ADAM22: variants seen among roughly 807,000 people sequenced by gnomAD.
The protein encoded by ADAM22 is disintegrin and metalloproteinase domain-containing protein 22.
In ADAM22, 65 loss-of-function variants were observed where a neutral mutation model predicts 144.6. That is an observed-to-expected ratio of 0.45 (90% confidence interval 0.37 to 0.55). The LOEUF (loss-of-function observed/expected upper bound fraction) is 0.55. Among genes scored for constraint, ADAM22 ranks in the 20% least tolerant of loss-of-function variants. ADAM22 has a pLI of 0.00. For synonymous variants in ADAM22, 391 were observed against 412.6 expected (o/e 0.95, Z 0.63); for missense variants, 974 against 1,184.9 (o/e 0.82, Z 2.61).
chr7:88,090,663 C>T (rs1819618486), intron 4 of ADAM22, among the ~76,000 whole-genome samples: 1 of 152,036 alleles, frequency 6.6e-6, no homozygotes, highest in South Asian at 2.1e-4. Flanking sequence ...TTTAAAACCT[C>T]AGGATATAAA....
chr7:88,041,076 G>A (rs757619348), intron 3 of ADAM22, among the ~76,000 whole-genome samples: 29 of 151,898 alleles, frequency 1.9e-4, no homozygotes, highest in Admixed American at 4.6e-4. Flanking sequence ...ATTAAATTAG[G>A]CCACTCAAAG....
rs773312797 is a variant in ADAM22 at position 87,945,516 on chromosome 7, C to CTTT, written c.246+10343_246+10345dup. 1.3e-3 allele frequency among the ~76,000 whole-genome samples: 176 copies of CTTT among 140,792 alleles called. 3 individuals carry two copies. The South Asian group carries it at 0.013, about 11-fold the overall frequency. The allele number at this position is 140,792 out of a possible 152,430, so 92.4% of individuals were successfully genotyped here. A position where few individuals can be genotyped will look rare whatever the true frequency, so the allele number is the denominator to read the frequency against. On this transcript the variant is annotated intron_variant, in intron 2 of 31. Coordinates refer to ENST00000413139, the MANE Select transcript of ADAM22 (RefSeq NM_001324418.2). Reference sequence around the variant, plus strand: ...GCCAATTATTTCTTTTCTTTTCTTTCTTTTTTTTTTTTTTTGAGATGGAGT... The same window carrying CTTT: ...GCCAATTATTTCTTTTCTTTTCTTTCTTTTTTTTTTTTTTTTTTGAGATGGAGT...
chr7:87,953,554 A>T (rs1845795495), intron 2 of ADAM22, among the ~76,000 whole-genome samples: 1 of 152,146 alleles, frequency 6.6e-6, no homozygotes, highest in African/African-American at 2.4e-5. Context: ...GGAGAGCTTT[A>T]CTTCCAACTA....
intron 30 of ADAM22, among the ~76,000 whole-genome samples, chr7:88,191,373 A>G (rs1451182575): frequency 6.6e-6 from 1 of 152,250 alleles, no homozygotes; most frequent in Non-Finnish European, 1.5e-5. Context: ...GCAGATTAAA[A>G]AGATGCCTTG....
chr7:88,008,804 A>T (rs529677972), intron 3 of ADAM22, among the ~76,000 whole-genome samples: 225 of 152,150 alleles, frequency 1.5e-3, no homozygotes, highest in African/African-American at 4.7e-3. Context: ...CTAAATGACG[A>T]GTTAATGGGT....
chr7:87,944,858 C>G (rs1241378089), intron 2 of ADAM22, among the ~76,000 whole-genome samples: 1 of 116,644 alleles, frequency 8.6e-6, no homozygotes, highest in Non-Finnish European at 1.7e-5. Context: ...CAGTCTTGTT[C>G]TCATCCACAC....
intron 6 of ADAM22, 78 bp from the exon 7 acceptor site, chr7:88,116,667 G>T (rs1174884329): frequency 8.3e-7 from 1 of 1,198,286 alleles, no homozygotes; most frequent in Non-Finnish European, 1.2e-6. Context: ...TTCTTTTAAG[G>T]GTCTCCAGCT....
At chr7:88,168,348 G>A (rs1843408250) in intron 25 of ADAM22, 121 bp downstream of exon 25, 1 of 985,406 alleles carries the variant, frequency 1.0e-6, no homozygotes, top group East Asian at 2.5e-5. Flanking sequence ...AAATCAGCTT[G>A]GCTCAGCAGC....
intron 3 of ADAM22, among the ~76,000 whole-genome samples, chr7:88,021,112 CA>C (rs573515212): frequency 6.6e-6 from 1 of 152,196 alleles, no homozygotes; most frequent in Non-Finnish European, 1.5e-5. Flanking sequence ...CCAGTCTTAC[CA>C]GAAACCAGAA....
intron 5 of ADAM22, 22 bp downstream of exon 5, chr7:88,108,280 T>C (rs1824987382): frequency 6.3e-7 from 1 of 1,594,828 alleles, no homozygotes; most frequent in African/African-American, 1.3e-5. Flanking sequence ...AAAAGTTATT[T>C]TTACTGTTTG....
In ADAM22 at chr7:88,197,770, AGATGAC is replaced by A. The variant is rs1252391994; in HGVS notation, c.*1281_*1286del. On this transcript the variant is annotated 3_prime_UTR_variant, in exon 32 of 32. Coordinates refer to ENST00000413139, the MANE Select transcript of ADAM22 (RefSeq NM_001324418.2). ...GTCATTCTGCACTGACTCTGAAGCA[AGATGAC>A]GGAAGATTCTACTGTTTGAGTTGAG... The A allele has an allele frequency of 1.3e-5, 2 of 152,246 alleles. No individual in the cohort carries two copies. The highest frequency in any genetic ancestry group is 2.9e-5 in the Non-Finnish European group (2 of 68,054). 9.4% of individuals were successfully genotyped at this position (152,246 alleles called of 1,614,324 possible). A position where few individuals can be genotyped will look rare whatever the true frequency, so the allele number is the denominator to read the frequency against.
chr7:87,942,397 G>C (rs933472446), intron 2 of ADAM22, among the ~76,000 whole-genome samples: 1 of 152,086 alleles, frequency 6.6e-6, no homozygotes, highest in Non-Finnish European at 1.5e-5. Flanking sequence ...AAGCTGATAG[G>C]GGATTTGAAC....
At chr7:87,934,582 A>G (rs201363585) in intron 1 of ADAM22, 32 bp downstream of exon 1, 4 of 1,587,114 alleles carry the variant, frequency 2.5e-6, no homozygotes, top group East Asian at 4.5e-5. Flanking sequence ...CCTTTGGGCC[A>G]TACCATTTCC....
chr7:88,070,412 T>C (rs1436731627), intron 3 of ADAM22, among the ~76,000 whole-genome samples: 1 of 152,206 alleles, frequency 6.6e-6, no homozygotes, highest in African/African-American at 2.4e-5. Flanking sequence ...GTCTGAGTTA[T>C]AACAAAGCGT....
At chr7:87,935,297 T>TG (rs1840971457) in intron 2 of ADAM22, 111 bp downstream of exon 2, 3 of 1,240,382 alleles carry the variant, frequency 2.4e-6, no homozygotes, top group African/African-American at 1.5e-5. Context: ...TGAAATGAGT[T>TG]GGGTCCCGAT....
intron 3 of ADAM22, among the ~76,000 whole-genome samples, chr7:88,015,913 C>T (rs530039476): frequency 2.7e-4 from 41 of 150,804 alleles, no homozygotes; most frequent in African/African-American, 9.9e-4. Flanking sequence ...ACACTTTTCC[C>T]ATGAGACAAC....
intron 2 of ADAM22, among the ~76,000 whole-genome samples, chr7:87,953,150 G>A (rs988955216): frequency 2.6e-5 from 4 of 150,984 alleles, no homozygotes; most frequent in African/African-American, 9.7e-5. Context: ...CTTTAGTTCT[G>A]CTCTGATTTT....
At chr7:88,150,778 A>T (rs1005958443) in intron 18 of ADAM22, among the ~76,000 whole-genome samples, 38 of 151,612 alleles carry the variant, frequency 2.5e-4, no homozygotes, top group Non-Finnish European at 7.4e-5. Flanking sequence ...TTTCTCTTTT[A>T]TTTTTTTAAT....
At chr7:88,185,507 C>A (rs184950891) in intron 29 of ADAM22, among the ~76,000 whole-genome samples, 1 of 151,832 alleles carries the variant, frequency 6.6e-6, no homozygotes, top group Non-Finnish European at 1.5e-5. Flanking sequence ...AAATAACTTA[C>A]GTTTTATAGA....
Sources: gnomAD v4.1 joint callset for allele counts (sites outside exome capture counted in the v4.1 genomes callset) on GRCh38, gnomAD v4.1.1 for gene constraint, MANE v1.5 for transcripts, NCBI Gene and HGNC (gene_info 2026-07-23, HGNC 2026-07-21) for gene names.